The following FIRRM variants were observed in gnomAD, a reference collection of about 807,000 sequenced individuals.
FIRRM encodes FIGNL1 interacting regulator of recombination and mitosis.
the FIRRM span, chr1:169,836,809 C>T: frequency 3.0e-6 from 2 of 658,260 alleles, no homozygotes; most frequent in South Asian, 4.3e-5. Flanking sequence ...GTAGATATTA[C>T]CGTACCATTA....
the FIRRM span, among the ~76,000 whole-genome samples, chr1:169,847,414 GTATA>G: frequency 6.6e-6 from 1 of 150,934 alleles, no homozygotes; most frequent in Non-Finnish European, 1.5e-5. Context: ...TAAAGGTTTG[GTATA>G]TAAAGTTTTT....
chr1:169,805,937 A>C, the FIRRM span: 1 of 869,666 alleles, frequency 1.1e-6, no homozygotes, highest in Non-Finnish European at 1.9e-6. Context: ...AGATAGTTTT[A>C]ATTATAGGAG....
the FIRRM span, among the ~76,000 whole-genome samples, chr1:169,845,193 T>C: frequency 8.5e-5 from 13 of 152,334 alleles, no homozygotes; most frequent in African/African-American, 2.9e-4. Flanking sequence ...ACAGAAGTTA[T>C]GTTTACACTA....
chr1:169,810,784 C>G, the FIRRM span, among the ~76,000 whole-genome samples: 3 of 123,270 alleles, frequency 2.4e-5, no homozygotes, highest in Non-Finnish European at 5.0e-5. Flanking sequence ...AGAGAATATT[C>G]TATTAGAGTT....
At chr1:169,815,295 CAAAA>C in the FIRRM span, among the ~76,000 whole-genome samples, 5 of 110,514 alleles carry the variant, frequency 4.5e-5, no homozygotes, top group Admixed American at 9.4e-5. Flanking sequence ...GACTCTGTCT[CAAAA>C]AAAAAAAAAA....
At chr1:169,845,096 G>A in the FIRRM span, among the ~76,000 whole-genome samples, 1 of 151,922 alleles carries the variant, frequency 6.6e-6, no homozygotes, top group South Asian at 2.1e-4. Context: ...TTAAATACAG[G>A]CATACCACAG....
chr1:169,834,833 C>G, the FIRRM span, among the ~76,000 whole-genome samples: 2 of 151,980 alleles, frequency 1.3e-5, no homozygotes, highest in Non-Finnish European at 2.9e-5. Context: ...AACATAAAAT[C>G]TAGTAGAAAT....
chr1:169,792,642 G>C, the FIRRM span: 5 of 1,605,932 alleles, frequency 3.1e-6, no homozygotes, highest in African/African-American at 6.7e-5. Flanking sequence ...ATTATTTTGA[G>C]TATTCTGGTC....
the FIRRM span, chr1:169,843,613 TTGC>T: frequency 1.1e-6 from 1 of 944,686 alleles, no homozygotes; most frequent in Non-Finnish European, 1.7e-6. Context: ...CAATAAAAGC[TTGC>T]TATTATTATT....
At chr1:169,852,628 A>ATATT in the FIRRM span, 2 of 677,104 alleles carry the variant, frequency 3.0e-6, no homozygotes, top group Non-Finnish European at 4.9e-6. Context: ...ATGCCTTTAC[A>ATATT]TATTTTTCTA....
chr1:169,842,520 C>T, the FIRRM span: 1 of 1,613,526 alleles, frequency 6.2e-7, no homozygotes, highest in Non-Finnish European at 8.5e-7. Flanking sequence ...CAGCTTTGGG[C>T]TTTTTTAAAC....
chr1:169,792,474 A>G, the FIRRM span: 7 of 1,113,258 alleles, frequency 6.3e-6, no homozygotes, highest in Non-Finnish European at 8.7e-6. Flanking sequence ...AAACTAAACA[A>G]ACAACATCAA....
chr1:169,813,571 T>C, the FIRRM span, among the ~76,000 whole-genome samples: 1 of 152,256 alleles, frequency 6.6e-6, no homozygotes, highest in Admixed American at 6.5e-5. Flanking sequence ...GATTGTGTTA[T>C]CATTAGAGTC....
chr1:169,848,793 A>G, the FIRRM span, among the ~76,000 whole-genome samples: 1 of 152,210 alleles, frequency 6.6e-6, no homozygotes, highest in African/African-American at 2.4e-5. Context: ...TTATGAAACA[A>G]ATGTTTTATA....
the FIRRM span, among the ~76,000 whole-genome samples, chr1:169,813,215 A>C: frequency 6.6e-6 from 1 of 152,214 alleles, no homozygotes; most frequent in Non-Finnish European, 1.5e-5. Context: ...AAGTTGCTTA[A>C]ACGTCAGACA....
the FIRRM span, chr1:169,821,759 G>A: frequency 4.4e-6 from 7 of 1,586,262 alleles, no homozygotes; most frequent in African/African-American, 2.7e-5. Flanking sequence ...ACTACGCTAA[G>A]GTAAGGCTTT....
chr1:169,849,987 C>T, the FIRRM span: 1 of 484,724 alleles, frequency 2.1e-6, no homozygotes, highest in Non-Finnish European at 3.7e-6. Flanking sequence ...TTTACTCTTA[C>T]TGCATTTGCT....
chr1:169,833,530 G>A, the FIRRM span, among the ~76,000 whole-genome samples: 1 of 152,172 alleles, frequency 6.6e-6, no homozygotes, highest in Non-Finnish European at 1.5e-5. Context: ...GAAAAAGTTT[G>A]TAAAGACTTG....
the FIRRM span, chr1:169,832,649 C>G: frequency 1.6e-6 from 1 of 611,630 alleles, no homozygotes; most frequent in Non-Finnish European, 2.8e-6. Context: ...GTCACCCAGG[C>G]TGGTTTTACA....
Sources: gnomAD v4.1 joint callset for allele counts (sites outside exome capture counted in the v4.1 genomes callset) on GRCh38, gnomAD v4.1.1 for gene constraint, MANE v1.5 for transcripts, NCBI Gene and HGNC (gene_info 2026-07-23, HGNC 2026-07-21) for gene names.